The following RALGPS1 variants were observed in gnomAD, a reference collection of about 807,000 sequenced individuals.
The protein encoded by RALGPS1 is ras-specific guanine nucleotide-releasing factor RalGPS1.
Under a neutral mutation model 78.8 loss-of-function variants are expected in RALGPS1, and 19 were observed. The ratio of observed to expected loss-of-function variants is 0.24; its 90% CI spans 0.17 to 0.35. RALGPS1 has a LOEUF of 0.35. Among genes scored for constraint, RALGPS1 ranks in the 10% least tolerant of loss-of-function variants. The pLI, the probability that RALGPS1 is intolerant of heterozygous loss-of-function variation, is 1.00. For missense variants in RALGPS1, 454 were observed against 688.3 expected (o/e 0.66, Z 3.81); for synonymous variants, 228 against 256.3 (o/e 0.89, Z 1.06).
chr9:126,941,686 C>G (rs1466898884), intron 1 of RALGPS1, among the ~76,000 whole-genome samples: 1 of 151,892 alleles, frequency 6.6e-6, no homozygotes, highest in South Asian at 2.1e-4. Context: ...TATATACTAG[C>G]TTTTCAGGAA....
chr9:127,193,310 G>A (rs1207814374), intron 11 of RALGPS1, among the ~76,000 whole-genome samples: 2 of 152,188 alleles, frequency 1.3e-5, no homozygotes, highest in African/African-American at 2.4e-5. Flanking sequence ...CATTTGAAAG[G>A]GGTGGGGTCT....
At chr9:127,195,882 C>G (rs992416387) in intron 12 of RALGPS1, among the ~76,000 whole-genome samples, 2 of 152,046 alleles carry the variant, frequency 1.3e-5, no homozygotes, top group Non-Finnish European at 2.9e-5. Context: ...CTCAGCCCAG[C>G]CTAGGCAGGC....
At chr9:127,053,043 A>G (rs2048422951) in intron 7 of RALGPS1, 104 bp downstream of exon 7, 1 of 832,030 alleles carries the variant, frequency 1.2e-6, no homozygotes, top group Admixed American at 1.9e-5. Context: ...ATACTTTGCC[A>G]ACAACAGAGT....
intron 4 of RALGPS1, among the ~76,000 whole-genome samples, chr9:126,980,317 T>C (rs529923727): frequency 4.6e-5 from 7 of 152,318 alleles, no homozygotes; most frequent in African/African-American, 1.7e-4. Context: ...TGACCTATGC[T>C]CCCAGGAGAT....
chr9:127,048,206 C>G (rs1256742088), intron 5 of RALGPS1, among the ~76,000 whole-genome samples: 1 of 152,114 alleles, frequency 6.6e-6, no homozygotes. Flanking sequence ...CCCTCATCGT[C>G]ACTCACAACC....
chr9:126,980,742 G>A (rs2041171466), intron 4 of RALGPS1, among the ~76,000 whole-genome samples: 1 of 152,158 alleles, frequency 6.6e-6, no homozygotes, highest in Non-Finnish European at 1.5e-5. Flanking sequence ...GGACCCTGTA[G>A]CCAGTACCTG....
chr9:127,167,004 G>A (rs568721452), intron 9 of RALGPS1, among the ~76,000 whole-genome samples: 42 of 151,556 alleles, frequency 2.8e-4, no homozygotes, highest in African/African-American at 8.7e-4. Context: ...GTTAGTCAGC[G>A]GAAGTCAGCC....
chr9:127,178,604 C>A, intron 11 of RALGPS1: 1 of 531,378 alleles, frequency 1.9e-6, no homozygotes, highest in Non-Finnish European at 2.4e-6. Context: ...CCCACTATCA[C>A]CCCCACCCCC....
At chr9:127,033,322 G>A (rs1288803304) in intron 4 of RALGPS1, among the ~76,000 whole-genome samples, 1 of 152,190 alleles carries the variant, frequency 6.6e-6, no homozygotes, top group Non-Finnish European at 1.5e-5. Context: ...GCCCCTGTCT[G>A]TGGCTGATTG....
At chr9:127,177,471 A>T (rs1305463485) in intron 11 of RALGPS1, among the ~76,000 whole-genome samples, 6 of 152,140 alleles carry the variant, frequency 3.9e-5, no homozygotes, top group Non-Finnish European at 8.8e-5. Context: ...CCAGGCATCT[A>T]TGTGACCCAG....
intron 2 of RALGPS1, among the ~76,000 whole-genome samples, chr9:126,963,897 A>C (rs1380761365): frequency 6.6e-6 from 1 of 152,180 alleles, no homozygotes; most frequent in South Asian, 2.1e-4. Flanking sequence ...AGAAGTATAG[A>C]ACGGTTTGTA....
intron 8 of RALGPS1, among the ~76,000 whole-genome samples, chr9:127,150,955 G>A (rs141383349): frequency 1.3e-5 from 2 of 152,198 alleles, no homozygotes; most frequent in African/African-American, 4.8e-5. Flanking sequence ...AGACCGAGGC[G>A]GGCGGATCAC....
chr9:126,953,618 G>C (rs1047002351), intron 1 of RALGPS1, among the ~76,000 whole-genome samples: 2 of 152,174 alleles, frequency 1.3e-5, no homozygotes, highest in African/African-American at 4.8e-5. Flanking sequence ...TCTGTAAAAT[G>C]GGTCTTAATG....
chr9:127,091,809 G>T lies in RALGPS1; in HGVS notation c.610+22453G>T, dbSNP rs150529088. The stretch of plus-strand genomic sequence containing the variant: ...TCTCAGGTTCCAGGCGGAAACTGGC[G>T]TATTCTGCAAAGACTTTGCGGCCGG... On this transcript the variant is annotated intron_variant, in intron 8 of 18. Transcript: ENST00000259351. The surrounding 1 kb of genome is among the most constrained non-coding windows in gnomAD (Gnocchi z 4.3). 3 of 1,614,186 alleles carry T rather than the reference G, an allele frequency of 1.9e-6. No individual in the cohort carries two copies. The highest frequency in any genetic ancestry group is 2.5e-6 in the Non-Finnish European group (3 of 1,180,034).
Position 126,962,352 on chromosome 9 carries a change from G to A in RALGPS1, c.57+6G>A, listed in dbSNP as rs750307270. ...TCACCTCTGCCACTCCACAGGTACT[G>A]AGGCTGCAAGAATCGGGACAGTGGG... On this transcript the variant is annotated splice_donor_region_variant and intron_variant, in intron 2 of 18. Coordinates refer to ENST00000259351, the MANE Select transcript of RALGPS1 (RefSeq NM_014636.3). The A allele has an allele frequency of 1.9e-5, 31 of 1,613,872 alleles. No individual in the cohort carries two copies. The Admixed American group carries it at 5.2e-4, about 27-fold the overall frequency.
chr9:127,073,915 C>T (rs989582327), intron 8 of RALGPS1, among the ~76,000 whole-genome samples: 1 of 152,084 alleles, frequency 6.6e-6, no homozygotes, highest in African/African-American at 2.4e-5. Context: ...CAGTTTCACC[C>T]TTGTTGCCCA....
chr9:126,970,897 G>GA (rs2040046597), intron 3 of RALGPS1, among the ~76,000 whole-genome samples: 2 of 152,116 alleles, frequency 1.3e-5, no homozygotes, highest in Admixed American at 6.6e-5. Flanking sequence ...GACAAAACCT[G>GA]TAACTGTTTA....
intron 8 of RALGPS1, among the ~76,000 whole-genome samples, chr9:127,106,035 G>A (rs2054186110): frequency 6.6e-6 from 1 of 152,176 alleles, no homozygotes; most frequent in Non-Finnish European, 1.5e-5. Context: ...TCTCATGAGC[G>A]AACAGCTAAC....
chr9:127,060,875 C>A (rs1198953289), intron 7 of RALGPS1, among the ~76,000 whole-genome samples: 1 of 152,180 alleles, frequency 6.6e-6, no homozygotes, highest in Non-Finnish European at 1.5e-5. Context: ...ACCAGTTTTT[C>A]TTTTTGATCT....
Sources: allele counts gnomAD v4.1 joint callset (sites outside exome capture counted in the v4.1 genomes callset), GRCh38; gene constraint gnomAD v4.1.1; non-coding constraint Gnocchi (gnomAD v3.1); transcripts MANE v1.5; gene names NCBI Gene and HGNC (gene_info 2026-07-23, HGNC 2026-07-21).